The following PDE6A variants were observed in gnomAD, a reference collection of about 807,000 sequenced individuals.
PDE6A encodes the protein phosphodiesterase 6A.
In PDE6A, 84 loss-of-function variants were observed where a neutral mutation model predicts 106.3. The ratio of observed to expected loss-of-function variants is 0.79; its 90% CI spans 0.66 to 0.95. PDE6A has a LOEUF of 0.95. Among genes scored for constraint, PDE6A ranks in the 40% least tolerant of loss-of-function variants. The pLI, the probability that PDE6A is intolerant of heterozygous loss-of-function variation, is 0.00. For synonymous variants in PDE6A, 394 were observed against 386.6 expected, an observed-to-expected ratio of 1.02 and a Z score of -0.23; for missense variants, 1,052 against 1,084.9, an observed-to-expected ratio of 0.97 and a Z score of 0.43.
rs1224463042 is a variant in PDE6A at position 149,858,970 on chromosome 5, G to C, written c.*1925C>G. On this transcript the variant is annotated 3_prime_UTR_variant, in exon 22 of 22. Transcript: ENST00000255266. ...CTCCTGAGTAGCTGGGATTACAGGT[G>C]CACACCACCACACCCAGCTAATTTT... The C allele has an allele frequency of 1.3e-5, 2 of 152,050 alleles. No individual in the cohort carries two copies. The highest frequency in any genetic ancestry group is 3.9e-4 in the East Asian group (2 of 5,180). 9.4% of individuals were successfully genotyped at this position (152,050 alleles called of 1,614,324 possible).
intron 1 of PDE6A, 66 bp downstream of exon 1, chr5:149,944,134 C>A: frequency 1.5e-6 from 2 of 1,308,604 alleles, no homozygotes; most frequent in Non-Finnish European, 2.2e-6. Context: ...GCCCCTCACC[C>A]CACCTGTACC....
At chr5:149,923,504 ATAACATAACATAACATAACATAACATAAC>A (rs1753781428) in intron 4 of PDE6A, among the ~76,000 whole-genome samples, 3 of 162 alleles carry the variant, frequency 0.019, no homozygotes, top group Admixed American at 0.083. Flanking sequence ...TCTCAAATAA[ATAACATAACATAACATAACATAACATAAC>A]ATAACATAAC....
At chr5:149,892,678 A>G (rs1371359345) in intron 13 of PDE6A, among the ~76,000 whole-genome samples, 2 of 151,974 alleles carry the variant, frequency 1.3e-5, no homozygotes, top group Non-Finnish European at 1.5e-5. Flanking sequence ...TTTTGTAGTG[A>G]TGGAGTTTCA....
intron 5 of PDE6A, among the ~76,000 whole-genome samples, chr5:149,917,275 C>CA (rs879580630): frequency 6.0e-5 from 9 of 149,462 alleles, no homozygotes; most frequent in Non-Finnish European, 1.2e-4. Flanking sequence ...TTCACACACA[C>CA]AAAAAAAAAT....
intron 4 of PDE6A, among the ~76,000 whole-genome samples, chr5:149,928,612 T>C (rs976280197): frequency 6.6e-6 from 1 of 152,168 alleles, no homozygotes; most frequent in Non-Finnish European, 1.5e-5. Context: ...ATGTGAAGAA[T>C]GCGTTGCACT....
intron 13 of PDE6A, 152 bp downstream of exon 13, chr5:149,895,031 C>A: frequency 4.6e-6 from 3 of 655,714 alleles, no homozygotes; most frequent in South Asian, 3.3e-5. Flanking sequence ...TCTTGGAATC[C>A]TTTTACACTA....
chr5:149,931,057 C>A lies in PDE6A; in HGVS notation c.829G>T (p.Val277Leu). 1 of 1,614,114 alleles carries A rather than the reference C, an allele frequency of 6.2e-7. No individual in the cohort carries two copies. Among genetic ancestry groups the A allele is most frequent in the Non-Finnish European group, 8.5e-7 (1 of 1,179,998 alleles). Reference sequence around the variant, plus strand: ...TGCTTGGTCATGTCTAAGAGACCCACAGAGTATCTGTCACAGTTGAGGAAA... The same window carrying A: ...TGCTTGGTCATGTCTAAGAGACCCAAAGAGTATCTGTCACAGTTGAGGAAA... ...RAFLNCDRYS[V>L]GLLDMTKQKE... Residue 277 changes from valine (V) to leucine (L), a missense_variant, in exon 4 of 22, where the codon GTG becomes TTG. Physicochemically the swap from Val to Leu is conservative, Grantham distance 32. Transcript: ENST00000255266.
chr5:149,872,902 G>A (rs941474840), intron 17 of PDE6A, among the ~76,000 whole-genome samples: 6 of 152,128 alleles, frequency 3.9e-5, no homozygotes, highest in Admixed American at 2.0e-4. Context: ...AATGTTTGAC[G>A]TTTTACAGCC....
Position 149,863,052 on chromosome 5 carries a change from C to T in PDE6A, c.2506+67G>A. 1 of 1,587,214 alleles carries T rather than the reference C, an allele frequency of 6.3e-7. No homozygotes were observed. The highest frequency in any genetic ancestry group is 8.7e-7 in the Non-Finnish European group (1 of 1,155,754). On this transcript the variant is annotated intron_variant, in intron 21 of 21. Transcript: ENST00000255266. The surrounding 1 kb of genome is among the most constrained non-coding windows in gnomAD (Gnocchi z 4.7). ...AGACTCCGTGTAAGAGTCTCTGAGG[C>T]AGGACGCAGACACTGAGTGCTCAGG... is the stretch of plus-strand genomic sequence containing the variant.
At chr5:149,932,825 C>T (rs1355515596) in intron 3 of PDE6A, among the ~76,000 whole-genome samples, 1 of 152,024 alleles carries the variant, frequency 6.6e-6, no homozygotes, top group Admixed American at 6.5e-5. Context: ...TGTCCCCCTC[C>T]GCCCACAGGA....
At chr5:149,942,537 G>A (rs1057340633) in intron 1 of PDE6A, among the ~76,000 whole-genome samples, 5 of 152,124 alleles carry the variant, frequency 3.3e-5, no homozygotes, top group Non-Finnish European at 7.4e-5. Context: ...ATGAGAGACT[G>A]AGGAAAGAAA....
intron 4 of PDE6A, among the ~76,000 whole-genome samples, chr5:149,924,868 G>A (rs957769778): frequency 2.0e-5 from 3 of 152,170 alleles, no homozygotes; most frequent in Non-Finnish European, 4.4e-5. Context: ...CAAGCTTACG[G>A]AAGACTCACT....
At chr5:149,900,401 G>GATATATATATATA (rs1752932187) in intron 8 of PDE6A, among the ~76,000 whole-genome samples, 14 of 116,932 alleles carry the variant, frequency 1.2e-4, no homozygotes, top group Non-Finnish European at 1.7e-4. Context: ...ATATATATCC[G>GATATATATATATA]TTGGTTCATC....
intron 17 of PDE6A, among the ~76,000 whole-genome samples, chr5:149,873,997 C>T (rs2113524835): frequency 6.7e-6 from 1 of 150,246 alleles, no homozygotes; most frequent in East Asian, 2.0e-4. Context: ...CAGAGCAAGA[C>T]CCTGTCTCTA....
intron 19 of PDE6A, chr5:149,867,442 A>C: frequency 1.9e-6 from 1 of 531,320 alleles, no homozygotes; most frequent in Non-Finnish European, 3.4e-6. Flanking sequence ...CACATTTCCC[A>C]AAATTTAGGA....
intron 4 of PDE6A, among the ~76,000 whole-genome samples, chr5:149,929,414 G>A (rs1361135071): frequency 6.6e-6 from 1 of 152,090 alleles, no homozygotes; most frequent in African/African-American, 2.4e-5. Context: ...AGACCATCCT[G>A]GCTAAAACAG....
chr5:149,907,592 G>T lies in PDE6A; in HGVS notation c.999-214C>A, dbSNP rs117047480. Among the ~76,000 whole-genome samples the T allele has an allele frequency of 2.2e-4, 33 of 152,262 alleles. No individual in the cohort carries two copies. The East Asian group carries it at 6.4e-3, about 29-fold the overall frequency. ...TGGCAAATATAACATTTTACTGTCT[G>T]CCCACCAAGTTTCACCATCTGAGAA... On this transcript the variant is annotated intron_variant, in intron 6 of 21. Coordinates refer to ENST00000255266, the MANE Select transcript of PDE6A (RefSeq NM_000440.3).
At position 149,866,221 on chromosome 5, in the gene PDE6A, G is replaced by C; in HGVS notation, c.2307C>G (p.Leu769=). Reference sequence around the variant, plus strand: ...CAATGAAGCCGACTTGAAGCTTAGGGAGTTCATCTGCTTTGTTTCTGTCCA... The same window carrying C: ...CAATGAAGCCGACTTGAAGCTTAGGCAGTTCATCTGCTTTGTTTCTGTCCA... ...PMMDRNKADE[L]PKLQVGFIDF... The change falls in exon 20 of 22, where the codon CTC becomes CTG. Residue 769 remains leucine, a synonymous_variant. Coordinates refer to ENST00000255266, the MANE Select transcript of PDE6A (RefSeq NM_000440.3). 2.5e-6 allele frequency: 4 copies of C among 1,614,150 alleles called. No individual in the cohort carries two copies. Among genetic ancestry groups the C allele is most frequent in the Non-Finnish European group, 3.4e-6 (4 of 1,179,986 alleles).
chr5:149,881,111 G>A (rs1179270980), intron 17 of PDE6A, among the ~76,000 whole-genome samples: 1 of 152,110 alleles, frequency 6.6e-6, no homozygotes, highest in Non-Finnish European at 1.5e-5. Context: ...ATGCTGGTAA[G>A]GCTGTGGAGA....
Sources: allele counts gnomAD v4.1 joint callset (sites outside exome capture counted in the v4.1 genomes callset), GRCh38; gene constraint gnomAD v4.1.1; non-coding constraint Gnocchi (gnomAD v3.1); transcripts MANE v1.5; gene names NCBI Gene and HGNC (gene_info 2026-07-23, HGNC 2026-07-21).